C10orf90: variants seen among roughly 807,000 people sequenced by gnomAD.
C10orf90 encodes chromosome 10 open reading frame 90, also known as (E2-independent) E3 ubiquitin-conjugating enzyme FATS.
Under a neutral mutation model 62.5 loss-of-function variants are expected in C10orf90, and 56 were observed. The ratio of observed to expected loss-of-function variants is 0.90; its 90% confidence interval spans 0.72 to 1.12. The LOEUF (loss-of-function observed/expected upper bound fraction) is 1.12. Among genes scored for constraint, C10orf90 ranks in the 50% most tolerant of loss-of-function variants. C10orf90 has a pLI of 0.00. For synonymous variants in C10orf90, 386 were observed against 340.4 expected, an observed-to-expected ratio of 1.13 and a Z score of -1.47; for missense variants, 970 against 880.4, an observed-to-expected ratio of 1.10 and a Z score of -1.29.
intron 7 of C10orf90, among the ~76,000 whole-genome samples, chr10:126,438,041 T>C (rs909292592): frequency 2.0e-5 from 3 of 152,250 alleles, no homozygotes; most frequent in African/African-American, 7.2e-5. Context: ...TGTGACTGAC[T>C]CCACTTTTTC....
intron 2 of C10orf90, among the ~76,000 whole-genome samples, chr10:126,528,567 A>C (rs1864011137): frequency 6.6e-6 from 1 of 152,240 alleles, no homozygotes; most frequent in African/African-American, 2.4e-5. Flanking sequence ...GGTTCTATTT[A>C]GAGGTCAGCA....
intron 2 of C10orf90, among the ~76,000 whole-genome samples, chr10:126,578,615 A>G (rs941083283): frequency 4.6e-5 from 7 of 152,196 alleles, no homozygotes; most frequent in African/African-American, 1.7e-4. Flanking sequence ...ATATATACAC[A>G]ATAGAAATGC....
intron 2 of C10orf90, among the ~76,000 whole-genome samples, chr10:126,535,704 G>T (rs78940063): frequency 6.6e-6 from 1 of 152,068 alleles, no homozygotes; most frequent in Non-Finnish European, 1.5e-5. Context: ...AAAAATGGCC[G>T]TTTCTTCCAC....
intron 1 of C10orf90, among the ~76,000 whole-genome samples, chr10:126,649,673 T>C (rs1334624573): frequency 6.6e-6 from 1 of 152,186 alleles, no homozygotes; most frequent in African/African-American, 2.4e-5. Context: ...CCTTGGTTTG[T>C]AAATACACAC....
intron 7 of C10orf90, among the ~76,000 whole-genome samples, chr10:126,439,700 G>A (rs1438380339): frequency 6.6e-6 from 1 of 152,042 alleles, no homozygotes; most frequent in Non-Finnish European, 1.5e-5. Flanking sequence ...GGCATTAACA[G>A]ACAAATTAAG....
intron 2 of C10orf90, among the ~76,000 whole-genome samples, chr10:126,537,122 C>T (rs529060777): frequency 1.3e-5 from 2 of 152,262 alleles, no homozygotes; most frequent in African/African-American, 4.8e-5. Context: ...TCCCCTTCTC[C>T]TGCTAAGGCC....
chr10:126,543,385 T>C (rs2133969196), intron 2 of C10orf90, among the ~76,000 whole-genome samples: 1 of 152,332 alleles, frequency 6.6e-6, no homozygotes, highest in Non-Finnish European at 1.5e-5. Context: ...GATAAAGTGC[T>C]TAGCATTATG....
At chr10:126,514,527 G>A (rs978497979) in intron 2 of C10orf90, among the ~76,000 whole-genome samples, 13 of 152,258 alleles carry the variant, frequency 8.5e-5, no homozygotes, top group African/African-American at 2.9e-4. Flanking sequence ...CCAACTGGAC[G>A]GAGCAGTAGA....
At chr10:126,618,721 G>T (rs1432669506) in intron 2 of C10orf90, among the ~76,000 whole-genome samples, 1 of 152,068 alleles carries the variant, frequency 6.6e-6, no homozygotes, top group Non-Finnish European at 1.5e-5. Context: ...GCATATTGAG[G>T]AATCACCATG....
intron 2 of C10orf90, among the ~76,000 whole-genome samples, chr10:126,622,964 G>A (rs754319849): frequency 6.6e-5 from 10 of 152,178 alleles, no homozygotes; most frequent in African/African-American, 1.2e-4. Context: ...AGCTTCGCAC[G>A]AAATATTAAG....
intron 7 of C10orf90, among the ~76,000 whole-genome samples, chr10:126,438,398 A>C (rs542025527): frequency 6.6e-6 from 1 of 152,380 alleles, no homozygotes; most frequent in African/African-American, 2.4e-5. Flanking sequence ...ATCAAGAATT[A>C]GATAAAAACA....
At position 126,426,031 on chromosome 10, in the gene C10orf90, A is replaced by G; in HGVS notation, c.2312T>C (p.Ile771Thr). 6.2e-7 allele frequency: 1 copy of G among 1,614,198 alleles called. No homozygotes were observed. Among genetic ancestry groups the G allele is most frequent in the Non-Finnish European group, 8.5e-7 (1 of 1,180,018 alleles). Residue 771 changes from isoleucine to threonine, a missense_variant, in exon 9 of 10, where the codon ATC (isoleucine) becomes ACC (threonine). Physicochemically the swap from Ile to Thr is moderately conservative, Grantham distance 89. Coordinates refer to ENST00000488181, the MANE Select transcript of C10orf90 (RefSeq NM_001350921.2). ...GGCACGGAGTCTGTTACTTTGTAAG[A>G]TCACCCTTTTCCTTTGTTCTTCTTT... is the stretch of plus-strand genomic sequence containing the variant. ...KKKEEQRKRV[I>T]LQSNRLRAEV...
At chr10:126,502,060 GCACACACACACCA>G (rs753402031) in intron 4 of C10orf90, among the ~76,000 whole-genome samples, 17 of 100,650 alleles carry the variant, frequency 1.7e-4, no homozygotes, top group African/African-American at 5.0e-4. Context: ...CCACACACAC[GCACACACACACCA>G]CACACACACA....
chr10:126,516,668 A>C (rs184392487), intron 2 of C10orf90, among the ~76,000 whole-genome samples: 5 of 152,324 alleles, frequency 3.3e-5, no homozygotes, highest in Admixed American at 3.3e-4. Flanking sequence ...AGATACACAA[A>C]GGCTGAGCAT....
At chr10:126,526,013 C>G (rs1329323508) in intron 2 of C10orf90, among the ~76,000 whole-genome samples, 2 of 137,180 alleles carry the variant, frequency 1.5e-5, no homozygotes, top group African/African-American at 5.5e-5. Context: ...AGCTTGTCCA[C>G]ACCTGCCACA....
intron 2 of C10orf90, chr10:126,524,760 A>G: frequency 3.0e-6 from 3 of 985,464 alleles, no homozygotes; most frequent in Non-Finnish European, 3.6e-6. Context: ...GGTGCCATCT[A>G]GCTCTGCCAT....
intron 4 of C10orf90, among the ~76,000 whole-genome samples, chr10:126,485,269 GA>G (rs1175523760): frequency 8.5e-5 from 13 of 152,154 alleles, no homozygotes; most frequent in African/African-American, 3.1e-4. Flanking sequence ...CTGGCACCTG[GA>G]TCTCAGACTT....
chr10:126,477,066 C>A (rs1482716786), intron 4 of C10orf90, among the ~76,000 whole-genome samples: 1 of 135,696 alleles, frequency 7.4e-6, no homozygotes, highest in African/African-American at 2.7e-5. Context: ...CCCAACATCA[C>A]GCCTGGCTAA....
At chr10:126,532,839 T>G (rs544128828) in intron 2 of C10orf90, among the ~76,000 whole-genome samples, 1 of 2,672 alleles carries the variant, frequency 3.7e-4, no homozygotes, top group Admixed American at 3.6e-3. Flanking sequence ...CGAGACTACG[T>G]CTCAAAAAAA....
Sources: allele counts gnomAD v4.1 joint callset (sites outside exome capture counted in the v4.1 genomes callset), GRCh38; gene constraint gnomAD v4.1.1; transcripts MANE v1.5; gene names NCBI Gene and HGNC (gene_info 2026-07-23, HGNC 2026-07-21).